Variants in GLI2 observed in about 807,000 individuals in gnomAD.
GLI2 encodes transcription activator GLI2.
A neutral mutation model predicts 78.9 loss-of-function variants in GLI2; 22 were observed. The ratio of observed to expected loss-of-function variants is 0.28; its 90% CI spans 0.20 to 0.40. GLI2 has a LOEUF of 0.40. Among genes scored for constraint, GLI2 ranks in the 10% least tolerant of loss-of-function variants. The pLI is 1.00. For missense variants in GLI2, 2,097 were observed against 2,213.2 expected (o/e 0.95, Z 1.05); for synonymous variants, 974 against 963.7 (o/e 1.01, Z -0.20).
At chr2:120,869,534 C>G (rs1688323183) in intron 2 of GLI2, among the ~76,000 whole-genome samples, 1 of 152,182 alleles carries the variant, frequency 6.6e-6, no homozygotes, top group Non-Finnish European at 1.5e-5. Context: ...AAAAGCTACA[C>G]TCTCCACTTG....
rs1010352632 is a variant in GLI2 at position 120,965,927 on chromosome 2, G to A, written c.644-2787G>A. On this transcript the variant is annotated intron_variant, in intron 5 of 13. Coordinates refer to ENST00000361492, the MANE Select transcript of GLI2 (RefSeq NM_001374353.1). The stretch of plus-strand genomic sequence containing the variant: ...CCCCTCTGTGGGGTCAGAGCAAGTG[G>A]GCATCCCCAGAAGCAACTATGGACC... Among the ~76,000 whole-genome samples the A allele has an allele frequency of 3.3e-5, 5 of 152,298 alleles. 1 individual carries two copies. Among genetic ancestry groups the A allele is most frequent in the Admixed American group, 2.6e-4 (4 of 15,304 alleles).
intron 2 of GLI2, among the ~76,000 whole-genome samples, chr2:120,924,752 A>G (rs888679333): frequency 2.6e-5 from 4 of 152,168 alleles, no homozygotes; most frequent in Admixed American, 6.5e-5. Context: ...TAGGGTTTGC[A>G]ACCAGTATGA....
intron 2 of GLI2, among the ~76,000 whole-genome samples, chr2:120,860,025 G>A (rs1365297740): frequency 1.3e-5 from 2 of 152,232 alleles, no homozygotes; most frequent in African/African-American, 4.8e-5. Context: ...TGAAGCACGT[G>A]TAGAAACACA....
chr2:120,958,049 G>A (rs1002540606), intron 5 of GLI2, among the ~76,000 whole-genome samples: 4 of 152,176 alleles, frequency 2.6e-5, no homozygotes, highest in African/African-American at 9.7e-5. Context: ...CAGCTGGGCC[G>A]GAGCCAGAGG....
At position 120,893,712 on chromosome 2, in the gene GLI2, A is replaced by G. The variant is rs182110134; in HGVS notation, c.149-33649A>G. Among the ~76,000 whole-genome samples the G allele has an allele frequency of 4.8e-3, 734 of 152,014 alleles. 11 individuals carry two copies. Among genetic ancestry groups the G allele is most frequent in the African/African-American group, 0.017 (694 of 41,490 alleles). On this transcript the variant is annotated intron_variant, in intron 2 of 13. Coordinates refer to ENST00000361492, the MANE Select transcript of GLI2 (RefSeq NM_001374353.1). ...CCAAGTTCCCCCCAACCCCCCACAA[A>G]ACAGAAAAAAAAGATAAACTTTTAG... is the stretch of plus-strand genomic sequence containing the variant.
chr2:120,942,574 T>A (rs757502835), intron 3 of GLI2, among the ~76,000 whole-genome samples: 2 of 152,264 alleles, frequency 1.3e-5, no homozygotes, highest in Non-Finnish European at 2.9e-5. Context: ...AAGTTCTTGT[T>A]CACAGGTTCC....
At chr2:120,913,719 CAG>C (rs1678946933) in intron 2 of GLI2, among the ~76,000 whole-genome samples, 1 of 152,218 alleles carries the variant, frequency 6.6e-6, no homozygotes. Context: ...TGCAGAAAGA[CAG>C]TAAGTCCAGC....
At chr2:120,749,686 A>G (rs1036489342) in intron 1 of GLI2, among the ~76,000 whole-genome samples, 1 of 152,202 alleles carries the variant, frequency 6.6e-6, no homozygotes, top group African/African-American at 2.4e-5. Flanking sequence ...TCTGTTCGTG[A>G]TTACAGAGGG....
intron 1 of GLI2, among the ~76,000 whole-genome samples, chr2:120,741,129 T>G (rs990057550): frequency 3.3e-5 from 5 of 152,318 alleles, no homozygotes; most frequent in Middle Eastern, 6.8e-3. Flanking sequence ...ACAAACCATT[T>G]GAGTGCTGGG....
At chr2:120,955,187 G>A (rs1681191298) in intron 4 of GLI2, 58 bp from the exon 5 acceptor site, 1 of 711,780 alleles carries the variant, frequency 1.4e-6, no homozygotes, top group Non-Finnish European at 2.5e-6. Flanking sequence ...TTTTTGGCAG[G>A]AGAAGGCACA....
chr2:120,860,741 C>A (rs576398767), intron 2 of GLI2, among the ~76,000 whole-genome samples: 2 of 152,276 alleles, frequency 1.3e-5, no homozygotes, highest in East Asian at 3.9e-4. Flanking sequence ...GGGCCTGGCC[C>A]ATTGTTAACA....
intron 1 of GLI2, among the ~76,000 whole-genome samples, chr2:120,791,528 T>G (rs558259156): frequency 1.4e-4 from 21 of 152,348 alleles, no homozygotes; most frequent in African/African-American, 4.8e-4. Flanking sequence ...GGCGGTGTGC[T>G]CTTCACTCTG....
intron 2 of GLI2, among the ~76,000 whole-genome samples, chr2:120,828,668 G>A (rs958111058): frequency 2.0e-5 from 3 of 152,068 alleles, no homozygotes; most frequent in Admixed American, 2.0e-4. Flanking sequence ...AGTTAAATTC[G>A]TATTAATTAC....
At chr2:120,974,263 A>T (rs1682338891) in intron 8 of GLI2, among the ~76,000 whole-genome samples, 1 of 152,040 alleles carries the variant, frequency 6.6e-6, no homozygotes, top group Non-Finnish European at 1.5e-5. Context: ...CCCCGACCCC[A>T]GGCAGGTACC....
At chr2:120,854,835 G>C (rs1422506495) in intron 2 of GLI2, among the ~76,000 whole-genome samples, 1 of 152,230 alleles carries the variant, frequency 6.6e-6, no homozygotes, top group African/African-American at 2.4e-5. Context: ...CTGCGATGGG[G>C]CTTGAAAGTT....
intron 4 of GLI2, among the ~76,000 whole-genome samples, chr2:120,954,856 G>A (rs1239039965): frequency 2.6e-5 from 4 of 152,310 alleles, no homozygotes; most frequent in Admixed American, 6.5e-5. Context: ...TGGCCCAGCC[G>A]CGTGCCGCTG....
intron 3 of GLI2, among the ~76,000 whole-genome samples, chr2:120,936,752 G>A (rs1204404666): frequency 2.0e-5 from 3 of 152,200 alleles, no homozygotes; most frequent in African/African-American, 7.2e-5. Flanking sequence ...TGTTCAGACT[G>A]TCCACTCGGT....
intron 2 of GLI2, among the ~76,000 whole-genome samples, chr2:120,831,324 T>G (rs1686350960): frequency 6.6e-6 from 1 of 152,156 alleles, no homozygotes; most frequent in Admixed American, 6.5e-5. Context: ...TGGCAAGTGC[T>G]CCTCCCAAAG....
chr2:120,821,186 C>CG (rs1438501666), intron 2 of GLI2, among the ~76,000 whole-genome samples: 7 of 152,164 alleles, frequency 4.6e-5, no homozygotes, highest in South Asian at 2.1e-4. Context: ...GGCCTCTGTA[C>CG]GGGGGAGGTT....
Sources: gnomAD v4.1 joint callset for allele counts (sites outside exome capture counted in the v4.1 genomes callset) on GRCh38, gnomAD v4.1.1 for gene constraint, MANE v1.5 for transcripts, NCBI Gene and HGNC (gene_info 2026-07-23, HGNC 2026-07-21) for gene names.